The following PDILT variants were observed in gnomAD, a reference collection of about 807,000 sequenced individuals.
PDILT encodes protein disulfide-isomerase-like protein of the testis.
Under a neutral mutation model 53.7 loss-of-function variants are expected in PDILT, and 43 were observed. The ratio of observed to expected loss-of-function variants is 0.80; its 90% confidence interval spans 0.63 to 1.03. The LOEUF (loss-of-function observed/expected upper bound fraction) is 1.03. Ranked by LOEUF, PDILT falls within the 50% of genes least tolerant of loss-of-function variation. PDILT has a pLI of 0.00. For missense variants in PDILT, 727 were observed against 712.3 expected, an observed-to-expected ratio of 1.02 and a Z score of -0.24; for synonymous variants, 282 against 274.2, an observed-to-expected ratio of 1.03 and a Z score of -0.28.
At chr16:20,381,270 A>G (rs1282071374) in intron 3 of PDILT, among the ~76,000 whole-genome samples, 2 of 152,204 alleles carry the variant, frequency 1.3e-5, no homozygotes, top group Non-Finnish European at 2.9e-5. Flanking sequence ...AAGATGCGTA[A>G]AGCACTGTCT....
Position 20,360,559 on chromosome 16 carries a change from G to T in PDILT, c.1506+9C>A. ...CAGAATAATTCAGAGTATTTCTGTT[G>T]CCCCTTACCTCATCCTCATCCTCAA... On this transcript the variant is annotated intron_variant, in intron 11 of 11. Coordinates refer to ENST00000302451, the MANE Select transcript of PDILT (RefSeq NM_174924.2). The T allele has an allele frequency of 6.2e-7, 1 of 1,606,672 alleles. No individual in the cohort carries two copies. Among genetic ancestry groups the T allele is most frequent in the Non-Finnish European group, 8.5e-7 (1 of 1,173,210 alleles).
At chr16:20,403,955 C>G (rs1436735881) in intron 1 of PDILT, among the ~76,000 whole-genome samples, 2 of 152,148 alleles carry the variant, frequency 1.3e-5, no homozygotes, top group African/African-American at 4.8e-5. Context: ...TCTTCCCGGG[C>G]CACTCTGTCT....
At chr16:20,379,500 A>G (rs1232582038) in intron 3 of PDILT, among the ~76,000 whole-genome samples, 1 of 152,064 alleles carries the variant, frequency 6.6e-6, no homozygotes, top group Non-Finnish European at 1.5e-5. Context: ...TTTTTAGTAG[A>G]GACGAGGTTT....
At chr16:20,390,313 C>A (rs556980907) in intron 2 of PDILT, among the ~76,000 whole-genome samples, 1 of 152,256 alleles carries the variant, frequency 6.6e-6, no homozygotes, top group East Asian at 1.9e-4. Context: ...CTCTTCTCTT[C>A]AGAAACCCTA....
intron 9 of PDILT, 96 bp from the exon 10 acceptor site, chr16:20,362,678 C>T (rs1966124119): frequency 2.4e-6 from 3 of 1,247,102 alleles, no homozygotes; most frequent in Non-Finnish European, 1.1e-6. Context: ...CACTTGTGGT[C>T]CTGCTGTTTT....
chr16:20,367,063 CTTT>C (rs1567320790), intron 8 of PDILT, among the ~76,000 whole-genome samples: 5 of 116,588 alleles, frequency 4.3e-5, no homozygotes, highest in African/African-American at 1.7e-4. Flanking sequence ...TTCTTTCTTT[CTTT>C]CTTTCTTTCT....
intron 5 of PDILT, among the ~76,000 whole-genome samples, chr16:20,374,515 A>T (rs1966355038): frequency 2.0e-5 from 3 of 152,144 alleles, no homozygotes; most frequent in South Asian, 4.1e-4. Context: ...TATTTATAAG[A>T]TGTGTGTATA....
At chr16:20,367,855 C>A (rs956787516) in intron 8 of PDILT, among the ~76,000 whole-genome samples, 2 of 152,096 alleles carry the variant, frequency 1.3e-5, no homozygotes, top group African/African-American at 2.4e-5. Flanking sequence ...AAGCCAGTCA[C>A]CCTCGTGGTG....
intron 8 of PDILT, among the ~76,000 whole-genome samples, chr16:20,368,682 G>C (rs4780885): frequency 0.35 from 52,395 of 151,868 alleles, 11,331 homozygotes; most frequent in Non-Finnish European, 0.49. Flanking sequence ...CTGTAGCCTT[G>C]ATCTCTAGGC....
At chr16:20,361,569 T>C (rs1300798434) in intron 10 of PDILT, among the ~76,000 whole-genome samples, 1 of 152,188 alleles carries the variant, frequency 6.6e-6, no homozygotes, top group Admixed American at 6.5e-5. Flanking sequence ...GATTACTACC[T>C]TAGCCTCATC....
chr16:20,385,564 ATGG>A (rs1440765315), intron 2 of PDILT, among the ~76,000 whole-genome samples: 2 of 152,142 alleles, frequency 1.3e-5, no homozygotes, highest in Admixed American at 1.3e-4. Flanking sequence ...GAGTGGTATA[ATGG>A]ACATTGGAGA....
chr16:20,399,285 T>A lies in PDILT; in HGVS notation c.16A>T (p.Met6Leu), dbSNP rs1966701036. Residue 6 changes from methionine (M) to leucine (L), a missense_variant, in exon 2 of 12, where the codon ATG becomes TTG. Transcript: ENST00000302451. MDLLW[M>L]PLLLVAACVS... ...CAAGCGGCCACCAGCAGCAGGGGCA[T>A]CCAGAGTAGGTCCATGGCTGTCCTG... 3 of 1,613,848 alleles carry A rather than the reference T, an allele frequency of 1.9e-6. No homozygotes were observed.
chr16:20,370,591 C>G (rs1350516707), intron 7 of PDILT, among the ~76,000 whole-genome samples: 1 of 152,150 alleles, frequency 6.6e-6, no homozygotes, highest in Non-Finnish European at 1.5e-5. Context: ...GTCAGTGTGG[C>G]TTTGTCAGAG....
At chr16:20,397,008 G>T (rs1208483079) in intron 2 of PDILT, among the ~76,000 whole-genome samples, 1 of 152,188 alleles carries the variant, frequency 6.6e-6, no homozygotes, top group African/African-American at 2.4e-5. Flanking sequence ...AAACTGGCGA[G>T]GATGATGATA....
intron 8 of PDILT, among the ~76,000 whole-genome samples, chr16:20,368,090 G>C (rs139838734): frequency 2.6e-5 from 4 of 152,328 alleles, no homozygotes; most frequent in African/African-American, 9.6e-5. Flanking sequence ...TCGTAGCCAT[G>C]TGTGTCCTGG....
intron 2 of PDILT, among the ~76,000 whole-genome samples, chr16:20,394,491 G>A (rs969143458): frequency 1.3e-5 from 2 of 152,204 alleles, no homozygotes; most frequent in Non-Finnish European, 2.9e-5. Flanking sequence ...CTCTCTTACA[G>A]ATAAGCACGG....
At position 20,369,551 on chromosome 16, in the gene PDILT, C is replaced by G. The variant is rs1414391390; in HGVS notation, c.1057G>C (p.Asp353His). 6.2e-7 allele frequency: 1 copy of G among 1,614,212 alleles called. No individual in the cohort carries two copies. Among genetic ancestry groups the G allele is most frequent in the Admixed American group, 1.7e-5 (1 of 60,030 alleles). The change falls in exon 8 of 12, where the codon GAC (aspartate) becomes CAC (histidine). Residue 353 changes from aspartate to histidine, a missense_variant. Transcript: ENST00000302451. ...TTCTTGAGGCTTTCGTAGGTTATGT[C>G]ATCTGAAGGCATTTTGTACCTGGCG... ...SDARYKMPSD[D>H]ITYESLKKFG...
At chr16:20,395,938 A>C (rs1335490723) in intron 2 of PDILT, among the ~76,000 whole-genome samples, 4 of 152,196 alleles carry the variant, frequency 2.6e-5, no homozygotes, top group African/African-American at 7.2e-5. Context: ...TTGTGAACCA[A>C]ATAAAGCTTT....
intron 10 of PDILT, among the ~76,000 whole-genome samples, chr16:20,361,155 T>C (rs1366065262): frequency 3.3e-5 from 5 of 151,890 alleles, no homozygotes; most frequent in Non-Finnish European, 5.9e-5. Flanking sequence ...ATCTGGTACA[T>C]GGTCAGTGCT....
Sources: gnomAD v4.1 joint callset for allele counts (sites outside exome capture counted in the v4.1 genomes callset) on GRCh38, gnomAD v4.1.1 for gene constraint, MANE v1.5 for transcripts, NCBI Gene and HGNC (gene_info 2026-07-23, HGNC 2026-07-21) for gene names.